STK32B: variants seen among roughly 807,000 people sequenced by gnomAD.
The protein encoded by STK32B is serine/threonine kinase 32B, also known as serine/threonine-protein kinase 32B.
Under a neutral mutation model 52.6 loss-of-function variants are expected in STK32B, and 43 were observed. The observed-to-expected ratio is 0.82, with a 90% CI of 0.64 to 1.05. The LOEUF (loss-of-function observed/expected upper bound fraction) is 1.05, where lower values mean the gene tolerates loss of function less well. Ranked by LOEUF, STK32B falls within the 50% of genes least tolerant of loss-of-function variation. The probability of loss-of-function intolerance (pLI) is 0.00; values close to 1 mark genes in which losing one functional copy is unlikely to be tolerated. For synonymous variants in STK32B, 238 were observed against 204.3 expected (o/e 1.17, Z -1.41); for missense variants, 621 against 534.6 (o/e 1.16, Z -1.59).
intron 1 of STK32B, among the ~76,000 whole-genome samples, chr4:5,081,532 T>C (rs1712429344): frequency 1.3e-5 from 2 of 152,150 alleles, no homozygotes. Flanking sequence ...GTTGGTGCTT[T>C]CCAATACATT....
intron 1 of STK32B, among the ~76,000 whole-genome samples, chr4:5,124,178 C>G (rs1046716182): frequency 6.6e-6 from 1 of 152,100 alleles, no homozygotes; most frequent in Non-Finnish European, 1.5e-5. Flanking sequence ...TGAGTTCACT[C>G]CCTCAAATTA....
intron 1 of STK32B, among the ~76,000 whole-genome samples, chr4:5,079,272 T>G (rs1712263672): frequency 1.1e-5 from 1 of 87,514 alleles, no homozygotes; most frequent in Non-Finnish European, 2.5e-5. Flanking sequence ...TAAGAATGTA[T>G]AAATTGTATA....
chr4:5,358,590 A>G (rs1267520963), intron 4 of STK32B, among the ~76,000 whole-genome samples: 1 of 151,970 alleles, frequency 6.6e-6, no homozygotes, highest in Non-Finnish European at 1.5e-5. Flanking sequence ...AAAACCCTCT[A>G]CCCTTGAGAG....
chr4:5,124,558 A>C lies in STK32B; in HGVS notation c.53-15347A>C, dbSNP rs73208599. On this transcript the variant is annotated intron_variant, in intron 1 of 11. Transcript: ENST00000282908. ...TCATGGAAGGTCAGAAAGGAAATACAAAAAAACAGAAGATCTTAACTCTAC... is the reference window on the plus strand; with the variant it reads ...TCATGGAAGGTCAGAAAGGAAATACCAAAAAACAGAAGATCTTAACTCTAC... 3.9e-3 allele frequency among the ~76,000 whole-genome samples: 591 copies of C among 152,320 alleles called. 1 individual carries two copies. Among genetic ancestry groups the C allele is most frequent in the South Asian group, 0.023 (111 of 4,828 alleles).
At chr4:5,113,567 ATGT>A (rs1255702513) in intron 1 of STK32B, among the ~76,000 whole-genome samples, 1 of 151,758 alleles carries the variant, frequency 6.6e-6, no homozygotes, top group East Asian at 1.9e-4. Context: ...CTGATGACCT[ATGT>A]TGTTAAATGG....
intron 3 of STK32B, among the ~76,000 whole-genome samples, chr4:5,193,076 C>T (rs1031583736): frequency 6.6e-6 from 1 of 152,188 alleles, no homozygotes; most frequent in Non-Finnish European, 1.5e-5. Flanking sequence ...CCGGCCACTG[C>T]ACTTTATAAG....
At chr4:5,022,788 C>T in the STK32B span, among the ~76,000 whole-genome samples, 1 of 152,020 alleles carries the variant, frequency 6.6e-6, no homozygotes, top group Non-Finnish European at 1.5e-5. Context: ...CTGTTGTGTG[C>T]CAGGCACTGA....
intron 3 of STK32B, among the ~76,000 whole-genome samples, chr4:5,208,095 G>A (rs1030916464): frequency 9.9e-5 from 15 of 152,112 alleles, no homozygotes; most frequent in Admixed American, 2.6e-4. Context: ...ATACTACAGT[G>A]TGTCCAGCCT....
intron 3 of STK32B, among the ~76,000 whole-genome samples, chr4:5,318,389 A>C (rs1412581351): frequency 1.3e-5 from 2 of 152,118 alleles, no homozygotes; most frequent in African/African-American, 4.8e-5. Context: ...AGGGAAAAGA[A>C]CTGTAGGCAA....
At chr4:5,257,402 A>G (rs575120287) in intron 3 of STK32B, among the ~76,000 whole-genome samples, 8 of 152,252 alleles carry the variant, frequency 5.3e-5, no homozygotes, top group South Asian at 2.1e-4. Flanking sequence ...TGAATGAGTG[A>G]ATGATTAAGT....
At chr4:5,160,097 A>T (rs1416761943) in intron 2 of STK32B, among the ~76,000 whole-genome samples, 1 of 152,124 alleles carries the variant, frequency 6.6e-6, no homozygotes, top group Non-Finnish European at 1.5e-5. Flanking sequence ...GCACAGACAC[A>T]TTCAGAATGT....
chr4:5,471,466 C>T (rs1047073412), intron 11 of STK32B, among the ~76,000 whole-genome samples: 57 of 152,202 alleles, frequency 3.7e-4, no homozygotes, highest in African/African-American at 1.3e-3. Flanking sequence ...AGGACTGGAG[C>T]GGATTCTCCC....
chr4:5,454,339 T>C (rs1213896375), intron 7 of STK32B, among the ~76,000 whole-genome samples: 1 of 152,134 alleles, frequency 6.6e-6, no homozygotes, highest in African/African-American at 2.4e-5. Flanking sequence ...GATGAAGTGG[T>C]TGGCAGGGCT....
At chr4:5,225,297 C>T (rs1406394615) in intron 3 of STK32B, among the ~76,000 whole-genome samples, 1 of 151,974 alleles carries the variant, frequency 6.6e-6, no homozygotes, top group Non-Finnish European at 1.5e-5. Flanking sequence ...ATCCCAGCTA[C>T]TCGGGAGGCT....
rs1280481330 is a variant in STK32B, at chr4:5,394,831, T to C, written c.435-3376T>C. ...GGCCCAAGATCATATAGCTAGAGAA[T>C]TAGTTTTCTATTGTTGTGAAACTAA... On this transcript the variant is annotated intron_variant, in intron 4 of 11. Coordinates refer to ENST00000282908, the MANE Select transcript of STK32B (RefSeq NM_018401.3). This position sits in a 1 kb window ranked among gnomAD's most constrained non-coding sequence, Gnocchi z 4.2. Among the ~76,000 whole-genome samples, 6 of 152,222 alleles carry C rather than the reference T, an allele frequency of 3.9e-5. No homozygotes were observed. The highest frequency in any genetic ancestry group is 1.4e-4 in the African/African-American group (6 of 41,456).
At chr4:5,243,205 C>T (rs888265049) in intron 3 of STK32B, among the ~76,000 whole-genome samples, 1 of 152,146 alleles carries the variant, frequency 6.6e-6, no homozygotes, top group Non-Finnish European at 1.5e-5. Flanking sequence ...TCTTCCTACC[C>T]ATGAGCATGG....
intron 4 of STK32B, among the ~76,000 whole-genome samples, chr4:5,365,056 A>C (rs1734790866): frequency 6.6e-6 from 1 of 151,888 alleles, no homozygotes; most frequent in South Asian, 2.1e-4. Context: ...TTGTATTTTT[A>C]GTGGAGATGG....
At chr4:5,247,355 C>G (rs929597297) in intron 3 of STK32B, among the ~76,000 whole-genome samples, 1 of 152,206 alleles carries the variant, frequency 6.6e-6, no homozygotes, top group South Asian at 2.1e-4. Flanking sequence ...GCTCCATAGG[C>G]GTAGGACCCT....
In STK32B at chr4:5,443,112, G is replaced by T. The variant is rs867947596; in HGVS notation, c.563-3561G>T. Among the ~76,000 whole-genome samples, 1,100 of 150,090 alleles carry T rather than the reference G, an allele frequency of 7.3e-3. 17 individuals are homozygous for T. Among genetic ancestry groups the T allele is most frequent in the African/African-American group, 0.025 (1,019 of 40,222 alleles). ...AGTTGCTCTTCTCGAGGAGTATCTT[G>T]GTGGCATTCTCTGTATTTCCTGAAT... On this transcript the variant is annotated intron_variant, in intron 6 of 11. Coordinates refer to ENST00000282908, the MANE Select transcript of STK32B (RefSeq NM_018401.3).
Sources: gnomAD v4.1 joint callset for allele counts (sites outside exome capture counted in the v4.1 genomes callset) on GRCh38, gnomAD v4.1.1 for gene constraint, Gnocchi (gnomAD v3.1) non-coding constraint, MANE v1.5 for transcripts, NCBI Gene and HGNC (gene_info 2026-07-23, HGNC 2026-07-21) for gene names.